Variants in FCHSD2 observed in about 807,000 individuals in gnomAD.
FCHSD2 encodes F-BAR and double SH3 domains protein 2.
FCHSD2 carries 38 observed loss-of-function variants against 108.1 expected under a neutral mutation model. That is an observed-to-expected ratio of 0.35 (90% CI 0.27 to 0.46). The LOEUF is 0.46. Ranked by LOEUF, FCHSD2 falls within the 20% of genes least tolerant of loss-of-function variation. The pLI is 1.00. For synonymous variants in FCHSD2, 279 were observed against 314.7 expected, an observed-to-expected ratio of 0.89 and a Z score of 1.20; for missense variants, 751 against 897.8, an observed-to-expected ratio of 0.84 and a Z score of 2.09.
intron 3 of FCHSD2, among the ~76,000 whole-genome samples, chr11:73,034,744 A>T (rs1858446562): frequency 6.6e-6 from 1 of 152,246 alleles, no homozygotes; most frequent in Admixed American, 6.5e-5. Context: ...ATTTTAAAGT[A>T]AAAGTAAATA....
intron 8 of FCHSD2, among the ~76,000 whole-genome samples, chr11:72,944,849 T>G (rs1270547890): frequency 2.0e-5 from 3 of 152,162 alleles, no homozygotes; most frequent in Non-Finnish European, 2.9e-5. Context: ...ACAAGGGATG[T>G]GAAGGACCTC....
rs1023410577 is a variant in FCHSD2 at position 72,947,727 on chromosome 11, TA to T, written c.706-25778del. Among the ~76,000 whole-genome samples, 18 of 44,164 alleles carry T rather than the reference TA, an allele frequency of 4.1e-4. No homozygotes were observed. In the East Asian group the frequency reaches 4.2e-3, roughly 10 times the overall value. The allele number at this position is 44,164 out of a possible 152,430, so 29.0% of individuals were successfully genotyped here. On this transcript the variant is annotated intron_variant, in intron 8 of 19. Transcript: ENST00000409418. ...ATTACAGTGTGATAAAATCATTAGTTAAAAAAAATATTGAAAACATAATTTT... is the reference window on the plus strand; with the variant it reads ...ATTACAGTGTGATAAAATCATTAGTTAAAAAAATATTGAAAACATAATTTT...
intron 3 of FCHSD2, among the ~76,000 whole-genome samples, chr11:73,069,566 G>A (rs1859384615): frequency 6.6e-6 from 1 of 152,032 alleles, no homozygotes; most frequent in Admixed American, 6.5e-5. Flanking sequence ...TAGACAATTG[G>A]TGAGTTGGAA....
intron 13 of FCHSD2, among the ~76,000 whole-genome samples, chr11:72,862,757 A>G (rs1382839727): frequency 6.6e-6 from 1 of 152,174 alleles, no homozygotes; most frequent in Non-Finnish European, 1.5e-5. Context: ...CAAAGGACCT[A>G]GAATACCCAA....
intron 12 of FCHSD2, among the ~76,000 whole-genome samples, chr11:72,876,609 T>C (rs187856959): frequency 6.6e-6 from 1 of 152,382 alleles, no homozygotes; most frequent in East Asian, 1.9e-4. Context: ...TTGTTGAATG[T>C]TCTATGTGTA....
At chr11:73,047,178 GA>G (rs1055558949) in intron 3 of FCHSD2, among the ~76,000 whole-genome samples, 33 of 144,976 alleles carry the variant, frequency 2.3e-4, no homozygotes, top group African/African-American at 6.3e-4. Flanking sequence ...CTGTAAATTT[GA>G]AAAAAAAAGG....
At position 72,943,290 on chromosome 11, in the gene FCHSD2, G is replaced by A. The variant is rs571321824; in HGVS notation, c.706-21340C>T. 1.2e-3 allele frequency among the ~76,000 whole-genome samples: 185 copies of A among 152,298 alleles called. 1 individual carries two copies. Among genetic ancestry groups the A allele is most frequent in the Non-Finnish European group, 1.9e-3 (132 of 68,032 alleles). On this transcript the variant is annotated intron_variant, in intron 8 of 19. Coordinates refer to ENST00000409418, the MANE Select transcript of FCHSD2 (RefSeq NM_014824.3). Reference sequence around the variant, plus strand: ...TTACAGGCATGACCTACTTTGCCCAGCCCTGACTTTTATATTTACTATCTA... The same window carrying A: ...TTACAGGCATGACCTACTTTGCCCAACCCTGACTTTTATATTTACTATCTA...
At chr11:73,114,319 C>CGGTTA (rs1565097025) in intron 2 of FCHSD2, among the ~76,000 whole-genome samples, 1 of 152,024 alleles carries the variant, frequency 6.6e-6, no homozygotes, top group African/African-American at 2.4e-5. Context: ...TGGGACTAAC[C>CGGTTA]CTTCAGCGCA....
At chr11:73,001,212 A>T in intron 4 of FCHSD2, 78 bp from the exon 5 acceptor site, 1 of 1,187,332 alleles carries the variant, frequency 8.4e-7, no homozygotes, top group East Asian at 2.4e-5. Flanking sequence ...CTCACAGGGC[A>T]GCACTGACAG....
rs1189028580 is a variant in FCHSD2, at chr11:72,963,115, A to G, written c.705+20973T>C. Among the ~76,000 whole-genome samples, 6 of 152,344 alleles carry G rather than the reference A, an allele frequency of 3.9e-5. No individual in the cohort carries two copies. The South Asian group carries it at 1.2e-3, about 32-fold the overall frequency. ...CAAATTATTTAGATCAGTGCCTAGC[A>G]TATACTCAGTACTTTACGTGTGTTT... On this transcript the variant is annotated intron_variant, in intron 8 of 19. Transcript: ENST00000409418.
chr11:72,993,460 A>G (rs1857458695), intron 5 of FCHSD2, among the ~76,000 whole-genome samples: 2 of 152,178 alleles, frequency 1.3e-5, no homozygotes, highest in Non-Finnish European at 2.9e-5. Context: ...ACATGCACAC[A>G]TATGTTTATT....
rs1856025225 is a variant in FCHSD2, at chr11:72,923,962, GTTGTCT to G, written c.706-2018_706-2013del. 2.0e-5 allele frequency among the ~76,000 whole-genome samples: 3 copies of G among 151,982 alleles called. No homozygotes were observed. The South Asian group carries it at 6.2e-4, about 32-fold the overall frequency. On this transcript the variant is annotated intron_variant, in intron 8 of 19. Coordinates refer to ENST00000409418, the MANE Select transcript of FCHSD2 (RefSeq NM_014824.3). ...CTCAGAAAATAAATAAATAAATAAAGTTGTCTTTTTGTTGTTGGGTTGTAAGAATCC... is the reference window on the plus strand; with the variant it reads ...CTCAGAAAATAAATAAATAAATAAAGTTTTGTTGTTGGGTTGTAAGAATCC...
intron 3 of FCHSD2, among the ~76,000 whole-genome samples, chr11:73,064,014 T>C (rs1859230470): frequency 6.6e-6 from 1 of 152,184 alleles, no homozygotes; most frequent in Admixed American, 6.5e-5. Context: ...ATCACACTTA[T>C]TCTAAAATTG....
chr11:72,882,968 T>C (rs1182492384), intron 12 of FCHSD2, among the ~76,000 whole-genome samples: 1 of 152,178 alleles, frequency 6.6e-6, no homozygotes, highest in African/African-American at 2.4e-5. Flanking sequence ...AGTACAGACA[T>C]ATAGACCAAT....
At chr11:73,111,054 GT>G (rs901411922) in intron 2 of FCHSD2, among the ~76,000 whole-genome samples, 3 of 151,678 alleles carry the variant, frequency 2.0e-5, no homozygotes, top group African/African-American at 4.8e-5. Context: ...TATTTCAGGG[GT>G]TTTTTTTAAT....
intron 8 of FCHSD2, among the ~76,000 whole-genome samples, chr11:72,978,480 G>A (rs1038569947): frequency 5.9e-5 from 9 of 152,126 alleles, no homozygotes; most frequent in Non-Finnish European, 8.8e-5. Flanking sequence ...TAGATAGCAT[G>A]TCATCCCAGG....
chr11:73,142,188 G>A lies in FCHSD2; in HGVS notation c.-311C>T, dbSNP rs1286754367. On this transcript the variant is annotated 5_prime_UTR_variant, in exon 1 of 20. Coordinates refer to ENST00000409418, the MANE Select transcript of FCHSD2 (RefSeq NM_014824.3). Reference sequence around the variant, plus strand: ...GGGGGCCCCAGGAGCAGGGGCGCGAGGGTCTCAGCCGGCCGGGCGGCGGGT... The same window carrying A: ...GGGGGCCCCAGGAGCAGGGGCGCGAAGGTCTCAGCCGGCCGGGCGGCGGGT... 2 of 203,460 alleles carry A rather than the reference G, an allele frequency of 9.8e-6. No individual in the cohort carries two copies. The highest frequency in any genetic ancestry group is 1.1e-4 in the East Asian group (1 of 9,388). 12.6% of individuals were successfully genotyped at this position (203,460 alleles called of 1,614,324 possible).
At chr11:73,133,665 G>A (rs967404887) in intron 2 of FCHSD2, among the ~76,000 whole-genome samples, 6 of 151,690 alleles carry the variant, frequency 4.0e-5, no homozygotes, top group Admixed American at 1.3e-4. Flanking sequence ...GTACGGTGGC[G>A]GGCACCTATA....
intron 2 of FCHSD2, among the ~76,000 whole-genome samples, chr11:73,137,043 A>C (rs1008927621): frequency 7.2e-5 from 11 of 152,176 alleles, no homozygotes; most frequent in African/African-American, 9.7e-5. Flanking sequence ...CAAACAAAAA[A>C]ACATCCAAGT....
Sources: allele counts gnomAD v4.1 joint callset (sites outside exome capture counted in the v4.1 genomes callset), GRCh38; gene constraint gnomAD v4.1.1; transcripts MANE v1.5; gene names NCBI Gene and HGNC (gene_info 2026-07-23, HGNC 2026-07-21).